PCDHA1: variants seen among roughly 807,000 people sequenced by gnomAD.
PCDHA1 encodes protocadherin alpha 1.
A neutral mutation model predicts 61.3 loss-of-function variants in PCDHA1; 42 were observed. The ratio of observed to expected loss-of-function variants is 0.69; its 90% confidence interval spans 0.54 to 0.89. The LOEUF is 0.89. PCDHA1 is among the 40% of genes least tolerant of loss of function. PCDHA1 has a pLI of 0.00. For synonymous variants in PCDHA1, 610 were observed against 553.8 expected (o/e 1.10, Z -1.43); for missense variants, 1,256 against 1,235.3 (o/e 1.02, Z -0.25).
chr5:140,968,639 G>C (rs1278507600), intron 1 of PCDHA1: 1 of 1,614,032 alleles, frequency 6.2e-7, no homozygotes, highest in Non-Finnish European at 8.5e-7. Flanking sequence ...TTACCATCTA[G>C]CCCAGACTTC....
intron 1 of PCDHA1, among the ~76,000 whole-genome samples, chr5:140,791,857 C>T (rs12717860): frequency 0.52 from 78,162 of 151,702 alleles, 20,311 homozygotes; most frequent in Middle Eastern, 0.64. Context: ...TTGTGAAAGA[C>T]TAGGTTGAAG....
intron 1 of PCDHA1, chr5:140,801,380 G>A: frequency 6.2e-7 from 1 of 1,613,540 alleles, no homozygotes; most frequent in East Asian, 2.2e-5. Flanking sequence ...AGCTGGTGCC[G>A]CGCCTGTTCC....
At chr5:140,799,510 T>C (rs1762438807) in intron 1 of PCDHA1, among the ~76,000 whole-genome samples, 1 of 152,002 alleles carries the variant, frequency 6.6e-6, no homozygotes, top group Non-Finnish European at 1.5e-5. Flanking sequence ...AAATAATGCT[T>C]AAATGTTTAC....
At chr5:140,974,804 A>G (rs2096641388) in intron 1 of PCDHA1, among the ~76,000 whole-genome samples, 1 of 152,204 alleles carries the variant, frequency 6.6e-6, no homozygotes, top group Non-Finnish European at 1.5e-5. Context: ...TTGATATACT[A>G]GAAGACCAAT....
chr5:140,967,728 G>C (rs781785028), intron 1 of PCDHA1: 13 of 1,614,176 alleles, frequency 8.1e-6, no homozygotes, highest in Non-Finnish European at 1.1e-5. Flanking sequence ...CGAGTAATTG[G>C]GGGGCTGGAT....
chr5:140,917,313 T>C (rs1294382574), intron 1 of PCDHA1, among the ~76,000 whole-genome samples: 12 of 132,588 alleles, frequency 9.1e-5, no homozygotes, highest in African/African-American at 3.0e-4. Flanking sequence ...TACAATTTGG[T>C]GTTCATGTGG....
intron 1 of PCDHA1, chr5:140,797,420 C>G (rs1554120435): frequency 2.5e-5 from 37 of 1,487,626 alleles, no homozygotes; most frequent in Non-Finnish European, 3.2e-5. Context: ...ATGATTTCTA[C>G]TAGTTATTTA....
chr5:140,927,308 C>T (rs782694957), intron 1 of PCDHA1: 3 of 1,614,186 alleles, frequency 1.9e-6, no homozygotes, highest in Non-Finnish European at 2.5e-6. Flanking sequence ...TTCCTGACGC[C>T]CGGAGCCCGC....
At chr5:140,823,566 C>CCCT (rs1767771427) in intron 1 of PCDHA1, 1 of 1,613,826 alleles carries the variant, frequency 6.2e-7, no homozygotes, top group South Asian at 1.1e-5. Flanking sequence ...GCGCAGTGGA[C>CCCT]CCTGATTCGG....
chr5:140,787,201 T>C lies in PCDHA1; in HGVS notation c.911T>C (p.Leu304Ser). 2 of 1,614,082 alleles carry C rather than the reference T, an allele frequency of 1.2e-6. No homozygotes were observed. Among genetic ancestry groups the C allele is most frequent in the Non-Finnish European group, 1.7e-6 (2 of 1,179,976 alleles). ...KVDSSSGEIRLIDKLDYEETK... is the reference protein window; with the variant it reads ...KVDSSSGEIRSIDKLDYEETK... Reference sequence around the variant, plus strand: ...GATTCCAGCTCAGGAGAAATTAGGTTAATTGATAAACTGGATTATGAAGAA... The same window carrying C: ...GATTCCAGCTCAGGAGAAATTAGGTCAATTGATAAACTGGATTATGAAGAA... The change falls in exon 1 of 4, where the codon TTA becomes TCA. Residue 304 changes from leucine (L) to serine (S), a missense_variant. Coordinates refer to ENST00000504120, the MANE Select transcript of PCDHA1 (RefSeq NM_018900.4).
At position 140,856,616 on chromosome 5, in the gene PCDHA1, T is replaced by G. The variant is rs1554148924; in HGVS notation, c.2394+67932T>G. ...TATAAACAAAAAAGACAAAGACAAA[T>G]TCCCAGTGCTTGTTCTGCGGAAGCT... is the stretch of plus-strand genomic sequence containing the variant. On this transcript the variant is annotated intron_variant, in intron 1 of 3. Coordinates refer to ENST00000504120, the MANE Select transcript of PCDHA1 (RefSeq NM_018900.4). The G allele has an allele frequency of 2.5e-6, 4 of 1,597,862 alleles. 1 individual carries two copies. Among genetic ancestry groups the G allele is most frequent in the Non-Finnish European group, 3.4e-6 (4 of 1,167,486 alleles).
intron 1 of PCDHA1, chr5:140,829,142 G>A (rs2150162942): frequency 1.2e-6 from 2 of 1,613,390 alleles, no homozygotes; most frequent in South Asian, 1.1e-5. Flanking sequence ...CCCTGAGATA[G>A]CACTGACTTC....
At chr5:140,878,225 A>G (rs1554170330) in intron 1 of PCDHA1, 1 of 156,262 alleles carries the variant, frequency 6.4e-6, no homozygotes, top group Non-Finnish European at 1.4e-5. Context: ...CCTAGATCCC[A>G]TTAATGGATT....
intron 1 of PCDHA1, among the ~76,000 whole-genome samples, chr5:140,940,057 A>G (rs2092538975): frequency 6.6e-6 from 1 of 152,224 alleles, no homozygotes; most frequent in African/African-American, 2.4e-5. Flanking sequence ...TTCTTAACCA[A>G]ATATAAATAT....
chr5:140,833,980 C>G (rs2150212717), intron 1 of PCDHA1, among the ~76,000 whole-genome samples: 4 of 152,216 alleles, frequency 2.6e-5, no homozygotes, highest in African/African-American at 9.6e-5. Context: ...AAAAGTTTTT[C>G]TAAGGCATGA....
chr5:140,845,533 AT>A, intron 1 of PCDHA1, among the ~76,000 whole-genome samples: 1 of 149,618 alleles, frequency 6.7e-6, no homozygotes, highest in African/African-American at 2.4e-5. Flanking sequence ...ACTTTTCACT[AT>A]TCTAATTATG....
intron 1 of PCDHA1, chr5:140,823,709 G>A (rs2150128449): frequency 2.5e-6 from 4 of 1,613,950 alleles, no homozygotes; most frequent in Non-Finnish European, 2.5e-6. Context: ...CCGCGCCACC[G>A]CCTTCTGGTG....
chr5:140,988,214 A>AG (rs1408259452), intron 3 of PCDHA1, among the ~76,000 whole-genome samples: 28 of 152,200 alleles, frequency 1.8e-4, no homozygotes, highest in Non-Finnish European at 4.4e-5. Flanking sequence ...AGGAAAAAAA[A>AG]ATGAGATCAG....
chr5:140,855,868 A>C, intron 1 of PCDHA1: 1 of 837,366 alleles, frequency 1.2e-6, no homozygotes, highest in Non-Finnish European at 1.8e-6. Flanking sequence ...GCTGTCGTCC[A>C]CAAAATAGCT....
Sources: allele counts gnomAD v4.1 joint callset (sites outside exome capture counted in the v4.1 genomes callset), GRCh38; gene constraint gnomAD v4.1.1; transcripts MANE v1.5; gene names NCBI Gene and HGNC (gene_info 2026-07-23, HGNC 2026-07-21).